Variants in RNF185 observed in about 807,000 individuals in gnomAD.
The protein encoded by RNF185 is ring finger protein 185, also known as E3 ubiquitin-protein ligase RNF185.
RNF185 carries 13 observed loss-of-function variants against 24.9 expected under a neutral mutation model. The ratio of observed to expected loss-of-function variants is 0.52; its 90% confidence interval spans 0.34 to 0.83. The LOEUF (loss-of-function observed/expected upper bound fraction) is 0.83, where lower values mean the gene tolerates loss of function less well. Ranked by LOEUF, RNF185 falls within the 40% of genes least tolerant of loss-of-function variation. The pLI is 0.01. For synonymous variants in RNF185, 79 were observed against 90.3 expected (o/e 0.88, Z 0.71); for missense variants, 184 against 244.7 (o/e 0.75, Z 1.65).
chr22:31,184,023 C>G (rs957247799), intron 1 of RNF185, among the ~76,000 whole-genome samples: 4 of 149,598 alleles, frequency 2.7e-5, no homozygotes, highest in Non-Finnish European at 4.5e-5. Flanking sequence ...GCTGCCCCCC[C>G]CCACCTCCCG....
chr22:31,200,474 T>C (rs1223292431), intron 5 of RNF185, among the ~76,000 whole-genome samples: 1 of 152,278 alleles, frequency 6.6e-6, no homozygotes, highest in Non-Finnish European at 1.5e-5. Context: ...AGTTTGGTCA[T>C]CTGTGAAATG....
At chr22:31,173,416 G>GACACAGACACAC (rs1555881069) in intron 1 of RNF185, among the ~76,000 whole-genome samples, 1 of 146,784 alleles carries the variant, frequency 6.8e-6, no homozygotes, top group Non-Finnish European at 1.5e-5. Flanking sequence ...CACACACACA[G>GACACAGACACAC]ACACACACAC....
At chr22:31,184,360 C>T (rs5997900) in intron 1 of RNF185, among the ~76,000 whole-genome samples, 3 of 151,236 alleles carry the variant, frequency 2.0e-5, no homozygotes, top group Non-Finnish European at 3.0e-5. Context: ...AGAGGATGGG[C>T]GGCCAGGGAG....
In RNF185 at chr22:31,185,675, C is replaced by T. The variant is rs563360619; in HGVS notation, c.-48-1372C>T. On this transcript the variant is annotated intron_variant, in intron 1 of 6. Coordinates refer to ENST00000326132, the MANE Select transcript of RNF185 (RefSeq NM_152267.4). ...CCACTTCTCTGACTGTGGTAGCCAG[C>T]GAACATTTCCTACTTGGAATTTCTG... is the stretch of plus-strand genomic sequence containing the variant. 1.3e-3 allele frequency among the ~76,000 whole-genome samples: 205 copies of T among 152,290 alleles called. 2 individuals carry two copies. The highest frequency in any genetic ancestry group is 4.6e-3 in the African/African-American group (190 of 41,558).
intron 2 of RNF185, 99 bp downstream of exon 2, chr22:31,187,369 G>T (rs772107764): frequency 7.7e-7 from 1 of 1,301,652 alleles, no homozygotes; most frequent in Admixed American, 2.1e-5. Context: ...CTCACTTTGG[G>T]AATACACTCA....
chr22:31,184,245 G>A (rs534135297), intron 1 of RNF185, among the ~76,000 whole-genome samples: 6 of 151,162 alleles, frequency 4.0e-5, no homozygotes, highest in South Asian at 4.2e-4. Context: ...GACGGGTGGC[G>A]GTGGGGCAGA....
intron 1 of RNF185, among the ~76,000 whole-genome samples, chr22:31,163,761 C>G (rs1923733001): frequency 6.6e-6 from 1 of 151,656 alleles, no homozygotes; most frequent in Non-Finnish European, 1.5e-5. Context: ...GTAACCTCCA[C>G]CTCCCGGGCT....
chr22:31,183,592 C>G (rs1291208184), intron 1 of RNF185, among the ~76,000 whole-genome samples: 3 of 152,032 alleles, frequency 2.0e-5, no homozygotes, highest in African/African-American at 4.8e-5. Flanking sequence ...TGACTCTTAA[C>G]GAGTATGCTG....
At chr22:31,182,908 T>TTTATTTA (rs1555881898) in intron 1 of RNF185, 2 of 143,060 alleles carry the variant, frequency 1.4e-5, no homozygotes, top group African/African-American at 2.6e-5. Context: ...ATTTATTTTA[T>TTTATTTA]TTATTATTAT....
intron 1 of RNF185, among the ~76,000 whole-genome samples, chr22:31,185,247 T>G (rs2048087840): frequency 6.6e-6 from 1 of 152,134 alleles, no homozygotes; most frequent in Non-Finnish European, 1.5e-5. Context: ...AGTGGTGAGC[T>G]GGCCTCCTCT....
chr22:31,181,513 A>G (rs1277167174), intron 1 of RNF185, among the ~76,000 whole-genome samples: 1 of 152,124 alleles, frequency 6.6e-6, no homozygotes, highest in South Asian at 2.1e-4. Context: ...GCAAATCCCA[A>G]ACATTGTATT....
chr22:31,165,384 G>C (rs1469365411), intron 1 of RNF185, among the ~76,000 whole-genome samples: 1 of 151,954 alleles, frequency 6.6e-6, no homozygotes, highest in African/African-American at 2.4e-5. Context: ...TGTTCTTATT[G>C]GCCATCTGCA....
chr22:31,200,132 G>A (rs1452857796), intron 5 of RNF185, among the ~76,000 whole-genome samples: 2 of 152,138 alleles, frequency 1.3e-5, no homozygotes, highest in African/African-American at 2.4e-5. Flanking sequence ...TGAGGTGGGA[G>A]GATCACTTGA....
intron 5 of RNF185, among the ~76,000 whole-genome samples, chr22:31,200,872 T>G (rs2048255976): frequency 6.6e-6 from 1 of 152,250 alleles, no homozygotes; most frequent in Non-Finnish European, 1.5e-5. Context: ...AAAGAAATTT[T>G]AATCCGTAAC....
chr22:31,168,543 C>CT (rs1194361560), intron 1 of RNF185, among the ~76,000 whole-genome samples: 3 of 152,190 alleles, frequency 2.0e-5, no homozygotes, highest in African/African-American at 7.2e-5. Context: ...ATAGCTATTT[C>CT]TTTGCGACCT....
intron 1 of RNF185, among the ~76,000 whole-genome samples, chr22:31,179,093 A>T (rs2048009684): frequency 6.6e-6 from 1 of 152,168 alleles, no homozygotes; most frequent in Non-Finnish European, 1.5e-5. Flanking sequence ...TGGTCAGGAG[A>T]AAAGAATGGT....
chr22:31,166,273 G>A (rs1923912670), intron 1 of RNF185, among the ~76,000 whole-genome samples: 1 of 152,058 alleles, frequency 6.6e-6, no homozygotes, highest in Admixed American at 6.6e-5. Context: ...TTACAGGCAT[G>A]AGCCACCATG....
At chr22:31,183,799 A>G (rs1418553768) in intron 1 of RNF185, among the ~76,000 whole-genome samples, 1 of 152,210 alleles carries the variant, frequency 6.6e-6, no homozygotes, top group Non-Finnish European at 1.5e-5. Flanking sequence ...CACAGACACA[A>G]TAACAATCTG....
At chr22:31,178,257 C>A (rs2048001990) in intron 1 of RNF185, among the ~76,000 whole-genome samples, 1 of 152,172 alleles carries the variant, frequency 6.6e-6, no homozygotes, top group African/African-American at 2.4e-5. Flanking sequence ...GTCCCTTACC[C>A]CCCAAGTTTA....
Sources: gnomAD v4.1 joint callset for allele counts (sites outside exome capture counted in the v4.1 genomes callset) on GRCh38, gnomAD v4.1.1 for gene constraint, MANE v1.5 for transcripts, NCBI Gene and HGNC (gene_info 2026-07-23, HGNC 2026-07-21) for gene names.